STAG1: variants seen among roughly 807,000 people sequenced by gnomAD.
STAG1 encodes STAG1 cohesin complex component, also known as cohesin subunit SA-1.
In STAG1, 26 loss-of-function variants were observed where a neutral mutation model predicts 170.9. The ratio of observed to expected loss-of-function variants is 0.15; its 90% CI spans 0.11 to 0.21. STAG1 has a LOEUF of 0.21. Among genes scored for constraint, STAG1 ranks in the 10% least tolerant of loss-of-function variants. The pLI, the probability that STAG1 is intolerant of heterozygous loss-of-function variation, is 1.00. For missense variants in STAG1, 964 were observed against 1,509.5 expected (o/e 0.64, Z 5.99); for synonymous variants, 514 against 497.7 (o/e 1.03, Z -0.44).
At chr3:136,590,820 T>C (rs1406856995) in intron 4 of STAG1, among the ~76,000 whole-genome samples, 1 of 152,178 alleles carries the variant, frequency 6.6e-6, no homozygotes, top group East Asian at 1.9e-4. Context: ...GAGGATCAAA[T>C]TAATTAATCA....
intron 5 of STAG1, among the ~76,000 whole-genome samples, chr3:136,560,816 G>C (rs562316495): frequency 6.6e-6 from 1 of 152,248 alleles, no homozygotes; most frequent in African/African-American, 2.4e-5. Context: ...GTGATAATAG[G>C]GATACTGGAG....
chr3:136,359,939 T>A (rs1157821685), intron 26 of STAG1, among the ~76,000 whole-genome samples: 1 of 152,256 alleles, frequency 6.6e-6, no homozygotes, highest in Non-Finnish European at 1.5e-5. Flanking sequence ...TTAAGAGGTT[T>A]GTTTTTTCAC....
chr3:136,378,841 A>C (rs987636157), intron 22 of STAG1, among the ~76,000 whole-genome samples: 12 of 152,178 alleles, frequency 7.9e-5, no homozygotes, highest in African/African-American at 1.7e-4. Context: ...CTAATGAGTA[A>C]GACACATGCA....
At chr3:136,374,646 G>A (rs1478658137) in intron 23 of STAG1, among the ~76,000 whole-genome samples, 2 of 151,330 alleles carry the variant, frequency 1.3e-5, no homozygotes, top group Non-Finnish European at 2.9e-5. Flanking sequence ...TTTTTGTACA[G>A]CTGTTTAATG....
At chr3:136,411,777 CA>C (rs1337057519) in intron 21 of STAG1, among the ~76,000 whole-genome samples, 1 of 152,078 alleles carries the variant, frequency 6.6e-6, no homozygotes, top group African/African-American at 2.4e-5. Context: ...GGTGAAATCC[CA>C]TATCTACCAA....
chr3:136,374,599 A>G (rs1488709204), intron 23 of STAG1, among the ~76,000 whole-genome samples: 1 of 152,016 alleles, frequency 6.6e-6, no homozygotes, highest in Non-Finnish European at 1.5e-5. Context: ...CCTGGGCAAC[A>G]AGAGCAAAAC....
At chr3:136,551,248 A>T (rs1936381549) in intron 5 of STAG1, among the ~76,000 whole-genome samples, 1 of 145,678 alleles carries the variant, frequency 6.9e-6, no homozygotes, top group Non-Finnish European at 1.5e-5. Context: ...AGAGAGAGAG[A>T]GAGAGAGAGA....
chr3:136,544,711 G>A (rs971282686), intron 5 of STAG1, among the ~76,000 whole-genome samples: 1 of 150,652 alleles, frequency 6.6e-6, no homozygotes, highest in Non-Finnish European at 1.5e-5. Context: ...GTTGCAGTAA[G>A]TTGAGATTGC....
chr3:136,497,367 T>C (rs981342254), intron 9 of STAG1, among the ~76,000 whole-genome samples: 20 of 152,180 alleles, frequency 1.3e-4, no homozygotes, highest in Non-Finnish European at 2.4e-4. Flanking sequence ...CAACCATATA[T>C]AGATAAAAAC....
At chr3:136,413,340 A>G (rs904792437) in intron 21 of STAG1, among the ~76,000 whole-genome samples, 1 of 149,766 alleles carries the variant, frequency 6.7e-6, no homozygotes, top group African/African-American at 2.4e-5. Context: ...AAATCTGGGA[A>G]AATATTGAAA....
chr3:136,397,566 T>A (rs919134455), intron 22 of STAG1, among the ~76,000 whole-genome samples: 25 of 152,168 alleles, frequency 1.6e-4, no homozygotes, highest in Admixed American at 1.3e-4. Context: ...AATGACAAAT[T>A]TTAAGACAGA....
At chr3:136,449,153 G>A (rs2088866210) in intron 14 of STAG1, among the ~76,000 whole-genome samples, 1 of 152,152 alleles carries the variant, frequency 6.6e-6, no homozygotes, top group Non-Finnish European at 1.5e-5. Context: ...TTTTCACAAA[G>A]AATATTTCTT....
At chr3:136,504,887 T>C (rs112697474) in intron 7 of STAG1, among the ~76,000 whole-genome samples, 7 of 152,286 alleles carry the variant, frequency 4.6e-5, no homozygotes, top group African/African-American at 1.4e-4. Context: ...CCATCCCAGA[T>C]ACATAAACAG....
chr3:136,400,240 T>C (rs2087280268), intron 21 of STAG1, among the ~76,000 whole-genome samples: 2 of 152,170 alleles, frequency 1.3e-5, no homozygotes, highest in Admixed American at 1.3e-4. Flanking sequence ...ATTTTCTTTT[T>C]TTTTTGAGAC....
At chr3:136,468,142 G>A (rs1044264012) in intron 12 of STAG1, among the ~76,000 whole-genome samples, 1 of 152,024 alleles carries the variant, frequency 6.6e-6, no homozygotes, top group Admixed American at 6.6e-5. Flanking sequence ...CAGAAGGCAA[G>A]AAATAACTAA....
At chr3:136,736,405 T>G in intron 1 of STAG1, 1 of 902,738 alleles carries the variant, frequency 1.1e-6, no homozygotes, top group South Asian at 1.4e-5. Flanking sequence ...TACTCTATGT[T>G]GGGGTGGAAG....
At chr3:136,467,054 A>G (rs988655678) in intron 12 of STAG1, among the ~76,000 whole-genome samples, 1 of 152,246 alleles carries the variant, frequency 6.6e-6, no homozygotes, top group African/African-American at 2.4e-5. Context: ...AAAACATGCC[A>G]AATTGTAAAG....
At chr3:136,506,368 C>T (rs917268278) in intron 7 of STAG1, among the ~76,000 whole-genome samples, 1 of 151,578 alleles carries the variant, frequency 6.6e-6, no homozygotes, top group Admixed American at 6.6e-5. Context: ...AGGGGGCTCA[C>T]GCCTGTAATC....
chr3:136,674,613 T>C (rs997341646), intron 1 of STAG1, among the ~76,000 whole-genome samples: 40 of 152,190 alleles, frequency 2.6e-4, no homozygotes, highest in African/African-American at 9.2e-4. Context: ...AAACTGAAAA[T>C]GTACACTTAC....
Sources: gnomAD v4.1 joint callset for allele counts (sites outside exome capture counted in the v4.1 genomes callset) on GRCh38, gnomAD v4.1.1 for gene constraint, MANE v1.5 for transcripts, NCBI Gene and HGNC (gene_info 2026-07-23, HGNC 2026-07-21) for gene names.